The following PCDHA11 variants were observed in gnomAD, a reference collection of about 807,000 sequenced individuals.
PCDHA11 encodes protocadherin alpha-11.
Under a neutral mutation model 70.3 loss-of-function variants are expected in PCDHA11, and 61 were observed. The ratio of observed to expected loss-of-function variants is 0.87; its 90% CI spans 0.71 to 1.07. PCDHA11 has a LOEUF of 1.07. Ranked by LOEUF, PCDHA11 falls within the 50% of genes least tolerant of loss-of-function variation. The pLI is 0.00. For missense variants in PCDHA11, 1,324 were observed against 1,237.5 expected (o/e 1.07, Z -1.05); for synonymous variants, 633 against 555.1 (o/e 1.14, Z -1.97).
At chr5:140,983,461 A>G (rs1291305158) in intron 3 of PCDHA11, among the ~76,000 whole-genome samples, 1 of 152,238 alleles carries the variant, frequency 6.6e-6, no homozygotes, top group Non-Finnish European at 1.5e-5. Flanking sequence ...TTAATAGAAC[A>G]TCATGATGAT....
At chr5:140,960,179 G>A (rs1379423809) in intron 1 of PCDHA11, among the ~76,000 whole-genome samples, 1 of 152,106 alleles carries the variant, frequency 6.6e-6, no homozygotes, top group Non-Finnish European at 1.5e-5. Flanking sequence ...TAAGTTAGGG[G>A]TTGCATGTGT....
At chr5:140,966,505 A>C (rs2096011889) in intron 1 of PCDHA11, 2 of 427,984 alleles carry the variant, frequency 4.7e-6, no homozygotes, top group Non-Finnish European at 8.1e-6. Context: ...CTGTAGCGGC[A>C]GCAGCAGCAG....
At chr5:140,876,099 T>C (rs782428764) in intron 1 of PCDHA11, 7 of 1,613,954 alleles carry the variant, frequency 4.3e-6, no homozygotes, top group Middle Eastern at 1.6e-4. Context: ...CAAAACTCAA[T>C]TTATTGCTGA....
intron 1 of PCDHA11, chr5:140,876,965 G>C (rs1554169161): frequency 1.9e-6 from 3 of 1,612,976 alleles, no homozygotes; most frequent in East Asian, 2.2e-5. Flanking sequence ...GTGGAGCGGC[G>C]GGTGGGCGAG....
intron 3 of PCDHA11, among the ~76,000 whole-genome samples, chr5:140,991,900 A>G (rs137964856): frequency 9.8e-4 from 149 of 152,250 alleles, no homozygotes; most frequent in African/African-American, 3.0e-3. Context: ...TTAACACAAA[A>G]TCCCTTTTGC....
At position 140,869,972 on chromosome 5, in the gene PCDHA11, A is replaced by T. The variant is rs782424515; in HGVS notation, c.869A>T (p.His290Leu). The T allele has an allele frequency of 8.7e-6, 14 of 1,613,080 alleles. No individual in the cohort carries two copies. ...ATGTCAATTAAGCCCAATGGAAGAC[A>T]CTTATTTACACTAGATCAAAATAAT... ...SLMSIKPNGR[H>L]LFTLDQNNGE... Residue 290 changes from histidine to leucine, a missense_variant, in exon 1 of 4, where the codon CAC (histidine) becomes CTC (leucine). Coordinates refer to ENST00000398640, the MANE Select transcript of PCDHA11 (RefSeq NM_018902.5).
At chr5:140,934,245 T>C (rs2089728870) in intron 1 of PCDHA11, among the ~76,000 whole-genome samples, 1 of 152,158 alleles carries the variant, frequency 6.6e-6, no homozygotes, top group Non-Finnish European at 1.5e-5. Context: ...ATTGTGGAGA[T>C]TTATCAAAAT....
Position 140,877,183 on chromosome 5 carries a change from G to A in PCDHA11, c.2391+5689G>A, listed in dbSNP as rs201399892. 787 of 1,613,846 alleles carry A rather than the reference G, an allele frequency of 4.9e-4. 5 individuals are homozygous for A. The African/African-American group carries it at 9.2e-3, about 19-fold the overall frequency. ...GCCGGCACTGCTGGCGACTCCGGCT[G>A]GCAGCGCAGGAGGCGCAGTTAGCGA... On this transcript the variant is annotated intron_variant, in intron 1 of 3. Transcript: ENST00000398640.
intron 1 of PCDHA11, among the ~76,000 whole-genome samples, chr5:140,909,331 G>T (rs1162078506): frequency 6.6e-6 from 1 of 152,226 alleles, no homozygotes; most frequent in Admixed American, 6.5e-5. Context: ...ATCAATGGTT[G>T]CATACCAGGT....
In PCDHA11 at chr5:140,872,829, G is replaced by GA. The variant is rs1562676145; in HGVS notation, c.2391+1341dup. ...AAGTTTTTCAGATTCATCTAGCAGA[G>GA]AAAAAATTAAATATATTAATGTGAG... is the stretch of plus-strand genomic sequence containing the variant. On this transcript the variant is annotated intron_variant, in intron 1 of 3. Transcript: ENST00000398640. Among the ~76,000 whole-genome samples, 5 of 152,156 alleles carry GA rather than the reference G, an allele frequency of 3.3e-5. No homozygotes were observed. The South Asian group carries it at 8.3e-4, about 25-fold the overall frequency.
chr5:140,973,631 A>G (rs1554235456), intron 1 of PCDHA11, among the ~76,000 whole-genome samples: 1 of 152,210 alleles, frequency 6.6e-6, no homozygotes, highest in African/African-American at 2.4e-5. Flanking sequence ...TGTATCTTGT[A>G]CACATTCTGA....
chr5:140,886,917 T>C (rs893093876), intron 1 of PCDHA11, among the ~76,000 whole-genome samples: 12 of 152,044 alleles, frequency 7.9e-5, no homozygotes, highest in Non-Finnish European at 1.8e-4. Flanking sequence ...TTATTGAGTG[T>C]TCTCTATGTG....
At chr5:140,980,196 A>T (rs1404667828) in intron 2 of PCDHA11, among the ~76,000 whole-genome samples, 1 of 152,214 alleles carries the variant, frequency 6.6e-6, no homozygotes, top group Non-Finnish European at 1.5e-5. Flanking sequence ...TTTATTAGAG[A>T]CCAACTTGTG....
intron 1 of PCDHA11, among the ~76,000 whole-genome samples, chr5:140,937,780 C>T (rs1459266022): frequency 3.3e-5 from 5 of 151,656 alleles, no homozygotes; most frequent in African/African-American, 7.3e-5. Flanking sequence ...GGCGTGGTGG[C>T]GGGCGTATGT....
At chr5:140,978,528 C>T (rs903940636) in intron 1 of PCDHA11, among the ~76,000 whole-genome samples, 1 of 152,192 alleles carries the variant, frequency 6.6e-6, no homozygotes, top group Non-Finnish European at 1.5e-5. Flanking sequence ...GCCAGGCCAG[C>T]AGAACTTGTG....
intron 1 of PCDHA11, chr5:140,968,110 G>A: frequency 1.2e-6 from 2 of 1,614,172 alleles, no homozygotes; most frequent in Non-Finnish European, 1.7e-6. Context: ...GAATACCGCA[G>A]CTCACATCCC....
In PCDHA11 at chr5:140,927,579, C is replaced by T. The variant is rs369243383; in HGVS notation, c.2392-51370C>T. The T allele has an allele frequency of 3.2e-4, 517 of 1,614,178 alleles. 2 individuals are homozygous for T. Among genetic ancestry groups the T allele is most frequent in the Non-Finnish European group, 4.1e-4 (483 of 1,180,030 alleles). On this transcript the variant is annotated intron_variant, in intron 1 of 3. Coordinates refer to ENST00000398640, the MANE Select transcript of PCDHA11 (RefSeq NM_018902.5). ...TCATTGTGGTGGACACAAATGACAA[C>T]GCGCCTGTATTTGAGCGCTCCGTAT...
At chr5:140,935,004 T>C (rs574626430) in intron 1 of PCDHA11, among the ~76,000 whole-genome samples, 1 of 152,340 alleles carries the variant, frequency 6.6e-6, no homozygotes, top group African/African-American at 2.4e-5. Flanking sequence ...ATCCTTTTCA[T>C]GTGAGTCTTA....
chr5:141,000,381 CTCTCTCTCTCTCTCTATATA>C (rs2097908619), intron 3 of PCDHA11, among the ~76,000 whole-genome samples: 2 of 61,370 alleles, frequency 3.3e-5, no homozygotes, highest in African/African-American at 7.4e-5. Context: ...CTCTCTCTCT[CTCTCTCTCTCTCTCTATATA>C]TATATATATA....
Sources: gnomAD v4.1 joint callset for allele counts (sites outside exome capture counted in the v4.1 genomes callset) on GRCh38, gnomAD v4.1.1 for gene constraint, MANE v1.5 for transcripts, NCBI Gene and HGNC (gene_info 2026-07-23, HGNC 2026-07-21) for gene names.